Variants in DOP1B observed in about 807,000 individuals in gnomAD.
The protein encoded by DOP1B is DOP1 leucine zipper like protein B.
DOP1B carries 174 observed loss-of-function variants against 233.5 expected under a neutral mutation model. The observed-to-expected ratio is 0.75, with a 90% CI of 0.66 to 0.85. The LOEUF (loss-of-function observed/expected upper bound fraction) is 0.85, where lower values mean the gene tolerates loss of function less well. DOP1B is among the 40% of genes least tolerant of loss of function. The pLI, the probability that DOP1B is intolerant of heterozygous loss-of-function variation, is 0.00. For missense variants in DOP1B, 2,652 were observed against 2,846.6 expected, an observed-to-expected ratio of 0.93 and a Z score of 1.56; for synonymous variants, 1,190 against 1,185.6, an observed-to-expected ratio of 1.00 and a Z score of -0.08.
intron 32 of DOP1B, among the ~76,000 whole-genome samples, chr21:36,285,153 A>G (rs1056868998): frequency 6.6e-6 from 1 of 151,848 alleles, no homozygotes; most frequent in Non-Finnish European, 1.5e-5. Context: ...TCCGCCTCCT[A>G]GGTTCAAGTG....
intron 35 of DOP1B, among the ~76,000 whole-genome samples, chr21:36,290,253 G>A (rs898300345): frequency 6.6e-6 from 1 of 152,232 alleles, no homozygotes; most frequent in African/African-American, 2.4e-5. Flanking sequence ...GGCCGGACGT[G>A]GTGTCTCATA....
chr21:36,292,246 C>A lies in DOP1B; in HGVS notation c.6645+13C>A. 101 of 1,453,892 alleles carry A rather than the reference C, an allele frequency of 6.9e-5. No homozygotes were observed. Among genetic ancestry groups the A allele is most frequent in the Non-Finnish European group, 8.2e-5 (90 of 1,101,668 alleles). The allele number at this position is 1,453,892 out of a possible 1,614,324, so 90.1% of individuals were successfully genotyped here. ...ATTAAAGTTTGGGGTAAGTGCTTTT[C>A]TTTTCTTTTCTTTTTTTTTTTTTTT... On this transcript the variant is annotated intron_variant, in intron 36 of 36. Transcript: ENST00000691173.
At chr21:36,234,891 T>A (rs1035667673) in intron 15 of DOP1B, among the ~76,000 whole-genome samples, 1 of 152,218 alleles carries the variant, frequency 6.6e-6, no homozygotes, top group Non-Finnish European at 1.5e-5. Context: ...TGGGTACAAT[T>A]TGATATTCTG....
At chr21:36,157,582 C>G (rs1337499599) in intron 1 of DOP1B, among the ~76,000 whole-genome samples, 1 of 151,742 alleles carries the variant, frequency 6.6e-6, no homozygotes, top group Non-Finnish European at 1.5e-5. Context: ...GAAGACTTTG[C>G]TAGGATTTTT....
At chr21:36,181,944 ACTTAT>A (rs1450571587) in intron 2 of DOP1B, among the ~76,000 whole-genome samples, 2 of 152,340 alleles carry the variant, frequency 1.3e-5, no homozygotes, top group East Asian at 1.9e-4. Flanking sequence ...TTTAATAACT[ACTTAT>A]CTTTATATGG....
chr21:36,281,715 A>C, intron 32 of DOP1B, 104 bp downstream of exon 32: 1 of 1,107,578 alleles, frequency 9.0e-7, no homozygotes, highest in East Asian at 2.7e-5. Flanking sequence ...CTGGAGGCTG[A>C]GAAGTCCTAT....
intron 23 of DOP1B, among the ~76,000 whole-genome samples, chr21:36,258,671 C>T (rs1014491857): frequency 2.0e-5 from 3 of 152,326 alleles, no homozygotes; most frequent in South Asian, 2.1e-4. Flanking sequence ...TCTCTTCCTT[C>T]GTTCCAGTGT....
chr21:36,198,778 T>G (rs141387164), intron 2 of DOP1B, among the ~76,000 whole-genome samples: 26 of 152,372 alleles, frequency 1.7e-4, no homozygotes, highest in Admixed American at 5.9e-4. Flanking sequence ...GAGCCCCTAC[T>G]CATGGCTTCC....
chr21:36,276,526 G>C (rs557994410), intron 27 of DOP1B, among the ~76,000 whole-genome samples: 2 of 148,898 alleles, frequency 1.3e-5, no homozygotes, highest in Non-Finnish European at 3.0e-5. Flanking sequence ...GCAAGATCCT[G>C]TCTCAAAAAT....
intron 9 of DOP1B, 68 bp downstream of exon 9, chr21:36,214,624 A>G (rs1490310298): frequency 7.7e-7 from 1 of 1,294,298 alleles, no homozygotes; most frequent in Non-Finnish European, 1.1e-6. Flanking sequence ...GAAATACAAC[A>G]TGGTGAGATA....
At position 36,223,261 on chromosome 21, in the gene DOP1B, G is replaced by A; in HGVS notation, c.1281G>A (p.Glu427=). The A allele has an allele frequency of 6.2e-7, 1 of 1,607,890 alleles. No homozygotes were observed. ...TCAAGGAAAACAGAAATGCCTCTGA[G>A]ATTGTCAAAACGGTAAATTTGCTGA... The part of the protein sequence containing the change: ...SAIKENRNAS[E]IVKTVNLLIT... Residue 427 remains glutamate, a synonymous_variant, in exon 11 of 37, where the codon GAG becomes GAA. Coordinates refer to ENST00000691173, the MANE Select transcript of DOP1B (RefSeq NM_001320714.2).
At chr21:36,200,693 T>A (rs1418703996) in intron 4 of DOP1B, among the ~76,000 whole-genome samples, 192 bp downstream of exon 4, 2 of 152,052 alleles carry the variant, frequency 1.3e-5, no homozygotes, top group South Asian at 2.1e-4. Flanking sequence ...AATAAAAAAA[T>A]TTAGCCGGGC....
intron 35 of DOP1B, among the ~76,000 whole-genome samples, chr21:36,291,397 A>G (rs896250976): frequency 2.6e-5 from 4 of 151,990 alleles, no homozygotes; most frequent in African/African-American, 7.3e-5. Flanking sequence ...CGTCTCTACT[A>G]AAAATACAAA....
At chr21:36,259,362 C>G (rs1242230243) in intron 23 of DOP1B, among the ~76,000 whole-genome samples, 1 of 151,798 alleles carries the variant, frequency 6.6e-6, no homozygotes, top group Non-Finnish European at 1.5e-5. Context: ...CCTCTGCCTC[C>G]TGGGTTCAAG....
chr21:36,255,945 G>A (rs575784219), intron 23 of DOP1B, among the ~76,000 whole-genome samples: 2 of 152,058 alleles, frequency 1.3e-5, no homozygotes, highest in Non-Finnish European at 2.9e-5. Context: ...AATTATACAC[G>A]GTGGATTTAA....
At chr21:36,271,146 G>A (rs2067283249) in intron 27 of DOP1B, among the ~76,000 whole-genome samples, 1 of 151,280 alleles carries the variant, frequency 6.6e-6, no homozygotes, top group Non-Finnish European at 1.5e-5. Context: ...AAAAAGTTTA[G>A]GCATAGGAAA....
intron 35 of DOP1B, among the ~76,000 whole-genome samples, chr21:36,290,203 C>G (rs781274351): frequency 6.6e-6 from 1 of 152,204 alleles, no homozygotes. Flanking sequence ...TAAAGCTGTT[C>G]TGCAAAAGAA....
At chr21:36,219,296 A>G (rs915579918) in intron 9 of DOP1B, 76 bp from the exon 10 acceptor site, 34 of 1,563,434 alleles carry the variant, frequency 2.2e-5, no homozygotes, top group Non-Finnish European at 2.9e-5. Context: ...TATATGTCTT[A>G]TGTATATACA....
At chr21:36,282,139 G>A (rs897877361) in intron 32 of DOP1B, among the ~76,000 whole-genome samples, 1 of 152,192 alleles carries the variant, frequency 6.6e-6, no homozygotes, top group African/African-American at 2.4e-5. Context: ...ATCAATTATA[G>A]GTCAGGTACA....
Sources: gnomAD v4.1 joint callset for allele counts (sites outside exome capture counted in the v4.1 genomes callset) on GRCh38, gnomAD v4.1.1 for gene constraint, MANE v1.5 for transcripts, NCBI Gene and HGNC (gene_info 2026-07-23, HGNC 2026-07-21) for gene names.